PRKN: variants seen among roughly 807,000 people sequenced by gnomAD.
PRKN encodes parkin RBR E3 ubiquitin protein ligase.
Under a neutral mutation model 59.5 loss-of-function variants are expected in PRKN, and 56 were observed. The ratio of observed to expected loss-of-function variants is 0.94; its 90% CI spans 0.76 to 1.18. PRKN has a LOEUF of 1.18. Ranked by LOEUF, PRKN falls within the 50% of genes most tolerant of loss-of-function variation. The probability of loss-of-function intolerance (pLI) is 0.00; values close to 1 mark genes in which losing one functional copy is unlikely to be tolerated. For missense variants in PRKN, 657 were observed against 596.4 expected (o/e 1.10, Z -1.06); for synonymous variants, 250 against 222.1 (o/e 1.13, Z -1.12).
intron 1 of PRKN, among the ~76,000 whole-genome samples, chr6:162,608,887 C>T (rs1043393808): frequency 2.0e-5 from 3 of 151,962 alleles, no homozygotes; most frequent in African/African-American, 7.2e-5. Context: ...TCTACTGGGG[C>T]ATGGGACAGG....
Position 161,357,946 on chromosome 6 carries a change from C to G in PRKN, c.1285+2142G>C, listed in dbSNP as rs971084698. Among the ~76,000 whole-genome samples the G allele has an allele frequency of 6.6e-6, 1 of 152,232 alleles. No individual in the cohort carries two copies. The highest frequency in any genetic ancestry group is 2.4e-5 in the African/African-American group (1 of 41,466). On this transcript the variant is annotated intron_variant, in intron 11 of 11. Coordinates refer to ENST00000366898, the MANE Select transcript of PRKN (RefSeq NM_004562.3). The surrounding 1 kb of genome is among the most constrained non-coding windows in gnomAD (Gnocchi z 5.5). ...AAACTGGTGCTCACACAGCCACAGT[C>G]CATGGCAGAGTCCTAACTCCTGCAA...
At chr6:162,544,648 T>A in intron 1 of PRKN, among the ~76,000 whole-genome samples, 1 of 151,450 alleles carries the variant, frequency 6.6e-6, no homozygotes, top group Admixed American at 6.6e-5. Flanking sequence ...ACATTTATTT[T>A]ATTTTTTATT....
intron 7 of PRKN, among the ~76,000 whole-genome samples, chr6:161,661,323 G>A (rs1318787849): frequency 6.6e-6 from 1 of 152,086 alleles, no homozygotes; most frequent in African/African-American, 2.4e-5. Flanking sequence ...GCCCTGGCAG[G>A]TTACATCCAC....
At chr6:162,008,951 G>C (rs1361743416) in intron 5 of PRKN, among the ~76,000 whole-genome samples, 2 of 151,890 alleles carry the variant, frequency 1.3e-5, no homozygotes, top group African/African-American at 4.9e-5. Context: ...TATGTAAAAA[G>C]GATCATAAAC....
chr6:162,190,467 C>T (rs902224414), intron 4 of PRKN, among the ~76,000 whole-genome samples: 2 of 152,198 alleles, frequency 1.3e-5, no homozygotes, highest in Non-Finnish European at 1.5e-5. Context: ...TGAGTGCTTT[C>T]AGCAAGAATC....
At chr6:162,122,254 G>A (rs765989036) in intron 4 of PRKN, among the ~76,000 whole-genome samples, 4 of 152,062 alleles carry the variant, frequency 2.6e-5, no homozygotes, top group Admixed American at 2.0e-4. Context: ...ACCTCCTCTC[G>A]CCAAGGCTGA....
chr6:161,847,182 C>T (rs1793234707), intron 6 of PRKN, among the ~76,000 whole-genome samples: 1 of 152,084 alleles, frequency 6.6e-6, no homozygotes, highest in Admixed American at 6.6e-5. Flanking sequence ...GTGGCGGGTG[C>T]CTGTAGTCCC....
intron 3 of PRKN, among the ~76,000 whole-genome samples, chr6:162,212,952 T>A (rs1295764229): frequency 6.6e-6 from 1 of 152,194 alleles, no homozygotes; most frequent in East Asian, 1.9e-4. Flanking sequence ...TGATAGAAAC[T>A]TTTTAGCTCA....
rs71278562 is a variant in PRKN, at chr6:162,558,327, C to CTTTTT, written c.8-114859_8-114855dup. 2.5e-3 allele frequency among the ~76,000 whole-genome samples: 336 copies of CTTTTT among 132,738 alleles called. 9 individuals are homozygous for CTTTTT. Among genetic ancestry groups the CTTTTT allele is most frequent in the East Asian group, 0.013 (59 of 4,416 alleles). The allele number at this position is 132,738 out of a possible 152,430, so 87.1% of individuals were successfully genotyped here. A position where few individuals can be genotyped will look rare whatever the true frequency, so the allele number is the denominator to read the frequency against. ...TTTTAAGCAAATGCTTTAATTTTCC[C>CTTTTT]TTTTTTTTTTTTTTTTTCTGAGACG... On this transcript the variant is annotated intron_variant, in intron 1 of 11. Transcript: ENST00000366898.
chr6:161,746,264 G>A (rs187665350), intron 7 of PRKN, among the ~76,000 whole-genome samples: 1 of 152,244 alleles, frequency 6.6e-6, no homozygotes, highest in East Asian at 1.9e-4. Context: ...CTGATGAAGA[G>A]CTTTTGTAGG....
At chr6:161,903,495 T>C (rs979255418) in intron 6 of PRKN, among the ~76,000 whole-genome samples, 3 of 152,188 alleles carry the variant, frequency 2.0e-5, no homozygotes, top group Non-Finnish European at 4.4e-5. Flanking sequence ...ACAGCCGCCA[T>C]CTACCTCCAT....
chr6:162,616,258 T>C (rs2128219836), intron 1 of PRKN, among the ~76,000 whole-genome samples: 1 of 152,300 alleles, frequency 6.6e-6, no homozygotes, highest in South Asian at 2.1e-4. Flanking sequence ...AGTATTTATT[T>C]GCTTGATAGT....
intron 6 of PRKN, among the ~76,000 whole-genome samples, chr6:161,930,658 A>C (rs1779139113): frequency 6.6e-6 from 1 of 152,256 alleles, no homozygotes; most frequent in South Asian, 2.1e-4. Context: ...CCAAATTCAA[A>C]AACCCTGCAA....
At chr6:162,635,763 T>C (rs1232973709) in intron 1 of PRKN, among the ~76,000 whole-genome samples, 1 of 152,200 alleles carries the variant, frequency 6.6e-6, no homozygotes, top group Non-Finnish European at 1.5e-5. Flanking sequence ...CAGCCTCTGA[T>C]GATTCCACCA....
rs1163724737 is a variant in PRKN at position 161,703,836 on chromosome 6, TCTC to T, written c.871+81933_871+81935del. On this transcript the variant is annotated intron_variant, in intron 7 of 11. Transcript: ENST00000366898. ...GGACACACATCTCTCTCTCTCTCTC[TCTC>T]TTTTTTTTTTTTTTTTTTTTTTTTT... 7.1e-3 allele frequency among the ~76,000 whole-genome samples: 771 copies of T among 108,670 alleles called. 14 individuals are homozygous for T. Among genetic ancestry groups the T allele is most frequent in the African/African-American group, 0.025 (541 of 21,986 alleles). 71.3% of individuals were successfully genotyped at this position (108,670 alleles called of 152,430 possible).
intron 4 of PRKN, among the ~76,000 whole-genome samples, chr6:162,163,083 T>G (rs541748503): frequency 6.7e-6 from 1 of 149,340 alleles, no homozygotes; most frequent in South Asian, 2.1e-4. Flanking sequence ...TCATTTATAA[T>G]CTATCATTTT....
chr6:162,315,026 T>C (rs1391415194), intron 2 of PRKN, among the ~76,000 whole-genome samples: 1 of 152,184 alleles, frequency 6.6e-6, no homozygotes, highest in African/African-American at 2.4e-5. Flanking sequence ...ATTTTGGTGG[T>C]TGATCAACAG....
rs541959169 is a variant in PRKN at position 162,639,715 on chromosome 6, T to C, written c.7+87947A>G. 6.6e-5 allele frequency among the ~76,000 whole-genome samples: 10 copies of C among 152,274 alleles called. No homozygotes were observed. In the East Asian group the frequency reaches 1.9e-3, roughly 29 times the overall value. On this transcript the variant is annotated intron_variant, in intron 1 of 11. Coordinates refer to ENST00000366898, the MANE Select transcript of PRKN (RefSeq NM_004562.3). ...TTTGTTTCAGAAAACTTTTCTGATA[T>C]TCTACCCCTTATGATTATAAATAAT... is the stretch of plus-strand genomic sequence containing the variant.
chr6:162,048,545 T>C (rs1167258501), intron 5 of PRKN, among the ~76,000 whole-genome samples: 4 of 152,096 alleles, frequency 2.6e-5, no homozygotes, highest in Non-Finnish European at 5.9e-5. Flanking sequence ...CCTTAGCCTA[T>C]GTGTGCCCAA....
Sources: gnomAD v4.1 joint callset for allele counts (sites outside exome capture counted in the v4.1 genomes callset) on GRCh38, gnomAD v4.1.1 for gene constraint, Gnocchi (gnomAD v3.1) non-coding constraint, MANE v1.5 for transcripts, NCBI Gene and HGNC (gene_info 2026-07-23, HGNC 2026-07-21) for gene names.